The following DNM3 variants were observed in gnomAD, a reference collection of about 807,000 sequenced individuals.
DNM3 encodes dynamin-3.
DNM3 carries 47 observed loss-of-function variants against 101.6 expected under a neutral mutation model. The observed-to-expected ratio is 0.46, with a 90% CI of 0.37 to 0.59. The LOEUF (loss-of-function observed/expected upper bound fraction) is 0.59. DNM3 is among the 20% of genes least tolerant of loss of function. The pLI, the probability that DNM3 is intolerant of heterozygous loss-of-function variation, is 0.00. For missense variants in DNM3, 849 were observed against 1,085.7 expected (o/e 0.78, Z 3.06); for synonymous variants, 385 against 387.9 (o/e 0.99, Z 0.09).
chr1:172,202,641 A>G (rs900087952), intron 14 of DNM3, among the ~76,000 whole-genome samples: 1 of 152,176 alleles, frequency 6.6e-6, no homozygotes, highest in South Asian at 2.1e-4. Flanking sequence ...ATTTCAACCA[A>G]TGTTGACTGA....
At chr1:171,958,160 C>T (rs1252781193) in intron 2 of DNM3, among the ~76,000 whole-genome samples, 4 of 152,204 alleles carry the variant, frequency 2.6e-5, no homozygotes, top group South Asian at 2.1e-4. Flanking sequence ...TTCAGGGAAA[C>T]TCCCCTTTAT....
rs2069340554 is a variant in DNM3, at chr1:172,388,680, C to G, written c.2393C>G (p.Pro798Arg). 2 of 1,613,992 alleles carry G rather than the reference C, an allele frequency of 1.2e-6. No individual in the cohort carries two copies. Among genetic ancestry groups the G allele is most frequent in the Non-Finnish European group, 1.7e-6 (2 of 1,179,894 alleles). Residue 798 changes from proline to arginine, a missense_variant, in exon 20 of 21, where the codon CCC becomes CGC. Around this residue, in one of 5 missense-constraint regions of DNM3, gnomAD observed 256 missense variants for 311.7 expected, o/e 0.82. Coordinates refer to ENST00000627582, the MANE Select transcript of DNM3 (RefSeq NM_015569.5). ...GPAPAIPSPGPHSGAPPVPFR... is the reference protein window; with the variant it reads ...GPAPAIPSPGRHSGAPPVPFR... ...GCTCCTGCCATTCCCTCTCCTGGCC[C>G]CCACTCTGGGGCTCCTCCAGTCCCA...
intron 3 of DNM3, 90 bp downstream of exon 3, chr1:171,987,895 A>G: frequency 7.9e-7 from 1 of 1,272,392 alleles, no homozygotes; most frequent in Non-Finnish European, 1.0e-6. Context: ...AGATACAAAT[A>G]GTGCTGGGTT....
chr1:172,389,035 A>G (rs2069368667), intron 20 of DNM3: 1 of 572,170 alleles, frequency 1.7e-6, no homozygotes, highest in Non-Finnish European at 3.1e-6. Flanking sequence ...CAGACTAAAT[A>G]GGACTAAAGA....
intron 15 of DNM3, among the ~76,000 whole-genome samples, chr1:172,295,456 G>A (rs1432566833): frequency 6.6e-6 from 1 of 152,090 alleles, no homozygotes; most frequent in Non-Finnish European, 1.5e-5. Flanking sequence ...ATTAGCAAAT[G>A]TCATGAAGAA....
intron 15 of DNM3, among the ~76,000 whole-genome samples, chr1:172,262,957 A>G (rs2062722421): frequency 6.6e-6 from 1 of 152,356 alleles, no homozygotes; most frequent in South Asian, 2.1e-4. Context: ...GGCAAAAGTT[A>G]GAAAAGATGT....
intron 11 of DNM3, among the ~76,000 whole-genome samples, chr1:172,072,941 C>T (rs2052322940): frequency 6.6e-6 from 1 of 152,100 alleles, no homozygotes; most frequent in African/African-American, 2.4e-5. Flanking sequence ...TAGATAGTTA[C>T]ACAAATAAGG....
chr1:172,239,804 T>TC lies in DNM3; in HGVS notation c.1660-13769_1660-13768insC, dbSNP rs1357980682. On this transcript the variant is annotated intron_variant, in intron 14 of 20. Coordinates refer to ENST00000627582, the MANE Select transcript of DNM3 (RefSeq NM_015569.5). The stretch of plus-strand genomic sequence containing the variant: ...CAGCCCTGTCTTTTTTTTTCTCTTT[T>TC]TTTTTTTTTTTTTTTTGTAGTGGGC... 8.7e-4 allele frequency among the ~76,000 whole-genome samples: 68 copies of TC among 78,224 alleles called. 3 individuals are homozygous for TC. Among genetic ancestry groups the TC allele is most frequent in the Middle Eastern group, 5.6e-3 (1 of 180 alleles). 51.3% of individuals were successfully genotyped at this position (78,224 alleles called of 152,430 possible). A position where few individuals can be genotyped will look rare whatever the true frequency, so the allele number is the denominator to read the frequency against.
chr1:172,113,620 C>CAAAAAAAAAAAAAAAAAAA (rs34129992), intron 13 of DNM3, among the ~76,000 whole-genome samples: 1 of 52,354 alleles, frequency 1.9e-5, no homozygotes. Flanking sequence ...AACTCTGTCT[C>CAAAAAAAAAAAAAAAAAAA]AAAAAAAAAA....
At chr1:172,212,278 T>C (rs1328473496) in intron 14 of DNM3, among the ~76,000 whole-genome samples, 3 of 152,160 alleles carry the variant, frequency 2.0e-5, no homozygotes, top group African/African-American at 7.2e-5. Flanking sequence ...GGAAAGTTGC[T>C]CAGTCCCTGG....
At chr1:172,091,162 A>G (rs1328234518) in intron 12 of DNM3, among the ~76,000 whole-genome samples, 1 of 152,132 alleles carries the variant, frequency 6.6e-6, no homozygotes, top group African/African-American at 2.4e-5. Flanking sequence ...AATGGCATCA[A>G]CTTCATTGGG....
intron 1 of DNM3, among the ~76,000 whole-genome samples, chr1:171,856,256 A>G (rs956698105): frequency 1.3e-5 from 2 of 152,174 alleles, no homozygotes; most frequent in Non-Finnish European, 2.9e-5. Flanking sequence ...TACCAGTACC[A>G]TGCTGTTTGG....
At chr1:172,346,792 A>T (rs2066962364) in intron 17 of DNM3, among the ~76,000 whole-genome samples, 1 of 152,202 alleles carries the variant, frequency 6.6e-6, no homozygotes, top group Admixed American at 6.5e-5. Flanking sequence ...CATCCTGAGG[A>T]TTTCACCCAA....
chr1:172,026,248 A>C (rs2048192369), intron 4 of DNM3, among the ~76,000 whole-genome samples: 2 of 152,190 alleles, frequency 1.3e-5, no homozygotes, highest in African/African-American at 4.8e-5. Flanking sequence ...CATGAAGACA[A>C]AATTAGAGAA....
chr1:172,385,134 A>G (rs903963557), intron 18 of DNM3, among the ~76,000 whole-genome samples: 1 of 152,158 alleles, frequency 6.6e-6, no homozygotes, highest in Non-Finnish European at 1.5e-5. Flanking sequence ...AGTTCAGTTC[A>G]TTATTCCCTT....
At chr1:172,132,977 C>T (rs988463048) in intron 14 of DNM3, 4 of 1,539,232 alleles carry the variant, frequency 2.6e-6, no homozygotes, top group Non-Finnish European at 3.5e-6. Flanking sequence ...GGCTGTTGAG[C>T]TCCAGAGCCT....
At chr1:172,016,842 G>T (rs922680150) in intron 4 of DNM3, among the ~76,000 whole-genome samples, 2 of 151,734 alleles carry the variant, frequency 1.3e-5, no homozygotes, top group African/African-American at 4.8e-5. Context: ...TCAAGAAATT[G>T]GTTCATTTTA....
intron 2 of DNM3, among the ~76,000 whole-genome samples, chr1:171,948,632 A>G (rs2042312421): frequency 6.6e-6 from 1 of 152,192 alleles, no homozygotes; most frequent in Non-Finnish European, 1.5e-5. Flanking sequence ...GCTGCCAAGG[A>G]AAACAACTAC....
chr1:171,969,706 A>G (rs1394488719), intron 2 of DNM3, among the ~76,000 whole-genome samples: 1 of 152,222 alleles, frequency 6.6e-6, no homozygotes, highest in Non-Finnish European at 1.5e-5. Flanking sequence ...AGTGAAGGCC[A>G]GAGAGAGACC....
Sources: allele counts gnomAD v4.1 joint callset (sites outside exome capture counted in the v4.1 genomes callset), GRCh38; gene constraint gnomAD v4.1.1; regional missense constraint gnomAD v4.1.1; transcripts MANE v1.5; gene names NCBI Gene and HGNC (gene_info 2026-07-23, HGNC 2026-07-21).